The following ZGRF1 variants were observed in gnomAD, a reference collection of about 807,000 sequenced individuals.
The protein encoded by ZGRF1 is 5'-3' DNA helicase ZGRF1.
Under a neutral mutation model 203.5 loss-of-function variants are expected in ZGRF1, and 196 were observed. The ratio of observed to expected loss-of-function variants is 0.96; its 90% confidence interval spans 0.86 to 1.08. The LOEUF is 1.08. ZGRF1 is among the 50% of genes least tolerant of loss of function. The pLI is 0.00. For missense variants in ZGRF1, 2,326 were observed against 2,416.3 expected (o/e 0.96, Z 0.78); for synonymous variants, 809 against 841.3 (o/e 0.96, Z 0.66).
At chr4:112,581,220 C>T (rs1296429104) in intron 16 of ZGRF1, among the ~76,000 whole-genome samples, 1 of 136,600 alleles carries the variant, frequency 7.3e-6, no homozygotes, top group Non-Finnish European at 1.5e-5. Context: ...TAGGTGGGAA[C>T]TGAACAATGA....
chr4:112,597,944 C>A (rs994904934), intron 10 of ZGRF1, among the ~76,000 whole-genome samples: 2 of 151,038 alleles, frequency 1.3e-5, no homozygotes, highest in African/African-American at 2.4e-5. Flanking sequence ...AGATCATATC[C>A]AAATTCTACA....
chr4:112,571,199 C>T (rs924007818), intron 16 of ZGRF1, among the ~76,000 whole-genome samples: 1 of 150,986 alleles, frequency 6.6e-6, no homozygotes, highest in Non-Finnish European at 1.5e-5. Flanking sequence ...AAGTATCAAG[C>T]TTAAGATGTG....
chr4:112,586,563 C>G lies in ZGRF1; in HGVS notation c.3798G>C (p.Leu1266=), dbSNP rs148965225. 2,093 of 1,610,246 alleles carry G rather than the reference C, an allele frequency of 1.3e-3. 30 individuals carry two copies. The African/African-American group carries it at 0.021, about 16-fold the overall frequency. Residue 1266 remains leucine, a synonymous_variant, in exon 13 of 28, where the codon CTG becomes CTC. Coordinates refer to ENST00000505019, the MANE Select transcript of ZGRF1 (RefSeq NM_018392.5). ...KDLQEISGSE[L]CFPSGQKIKS... is the part of the protein sequence containing the mutation. ...TTATTTTCTGCCCACTTGGAAAGCA[C>G]AGCTCAGAGCCACTTATCTCCTGCA...
intron 16 of ZGRF1, among the ~76,000 whole-genome samples, chr4:112,573,769 G>A (rs1391974441): frequency 1.3e-5 from 2 of 152,006 alleles, no homozygotes; most frequent in Non-Finnish European, 2.9e-5. Flanking sequence ...GAAAAGACAT[G>A]ATCTGATGAG....
At position 112,589,761 on chromosome 4, in the gene ZGRF1, T is replaced by C. The variant is rs1560817388; in HGVS notation, c.3090A>G (p.Arg1030=). 6.2e-7 allele frequency: 1 copy of C among 1,613,982 alleles called. No homozygotes were observed. The highest frequency in any genetic ancestry group is 2.2e-5 in the East Asian group (1 of 44,858). The change falls in exon 11 of 28, where the codon AGA becomes AGG. Residue 1030 remains arginine, a synonymous_variant. Coordinates refer to ENST00000505019, the MANE Select transcript of ZGRF1 (RefSeq NM_018392.5). The part of the protein sequence containing the change: ...VEFSETSLKA[R]TLPDDLHFLN... ...GAAAATGAAGATCATCAGGTAAAGT[T>C]CTTGCTTTCAGGGACGTCTCAGAGA...
intron 9 of ZGRF1, 80 bp downstream of exon 9, chr4:112,605,928 C>CTTGTTTTT: frequency 2.2e-6 from 2 of 927,440 alleles, no homozygotes; most frequent in Non-Finnish European, 3.4e-6. Context: ...AACTCTGATA[C>CTTGTTTTT]TTGTTTTTTT....
intron 20 of ZGRF1, among the ~76,000 whole-genome samples, chr4:112,557,447 T>C (rs986393781): frequency 2.6e-5 from 4 of 152,210 alleles, no homozygotes; most frequent in Non-Finnish European, 5.9e-5. Context: ...AGCACTGGGA[T>C]TACAGGCATG....
At position 112,619,274 on chromosome 4, in the gene ZGRF1, T is replaced by C; in HGVS notation, c.768A>G (p.Leu256=). ...TAGATGATTCGGACTTCAGAAGAGC[T>C]AATATCTGTGCTTTGCTTCTGATGT... The part of the protein sequence containing the change: ...SQNIRSKAQI[L]ALLKSESSSS... Residue 256 remains leucine, a synonymous_variant, in exon 6 of 28, where the codon TTA becomes TTG. Transcript: ENST00000505019. The C allele has an allele frequency of 6.2e-7, 1 of 1,613,388 alleles. No individual in the cohort carries two copies. The highest frequency in any genetic ancestry group is 8.5e-7 in the Non-Finnish European group (1 of 1,179,974).
chr4:112,618,663 T>G lies in ZGRF1; in HGVS notation c.1379A>C (p.Gln460Pro), dbSNP rs1164670291. 3.1e-6 allele frequency: 5 copies of G among 1,613,144 alleles called. No individual in the cohort carries two copies. The highest frequency in any genetic ancestry group is 2.7e-5 in the African/African-American group (2 of 74,932). ...CAGTGTTCCACATGTATTTACCTCCTGAGCATTTTCTTTAATGAGAACTGA... is the reference window on the plus strand; with the variant it reads ...CAGTGTTCCACATGTATTTACCTCCGGAGCATTTTCTTTAATGAGAACTGA... ...KGSVLIKENAQEVNTCGTLEK... is the reference protein window; with the variant it reads ...KGSVLIKENAPEVNTCGTLEK... Residue 460 changes from glutamine (Q) to proline (P), a missense_variant, in exon 6 of 28, where the codon CAG becomes CCG. Physicochemically the swap from Gln to Pro is moderately conservative, Grantham distance 76. Coordinates refer to ENST00000505019, the MANE Select transcript of ZGRF1 (RefSeq NM_018392.5).
intron 14 of ZGRF1, among the ~76,000 whole-genome samples, chr4:112,584,579 A>T (rs1009277710): frequency 6.6e-6 from 1 of 152,214 alleles, no homozygotes; most frequent in Non-Finnish European, 1.5e-5. Context: ...CAAAACTCAG[A>T]TGATACATTT....
chr4:112,601,217 C>T (rs1749915994), intron 10 of ZGRF1, among the ~76,000 whole-genome samples: 1 of 151,784 alleles, frequency 6.6e-6, no homozygotes, highest in Admixed American at 6.6e-5. Context: ...TCAAAACCAG[C>T]AGCAACCTGG....
At chr4:112,598,336 A>AT (rs1308571154) in intron 10 of ZGRF1, among the ~76,000 whole-genome samples, 2 of 152,212 alleles carry the variant, frequency 1.3e-5, no homozygotes, top group African/African-American at 4.8e-5. Flanking sequence ...CACTAAGCAA[A>AT]TTTTAAAAAG....
rs538027072 is a variant in ZGRF1 at position 112,606,998 on chromosome 4, A to C, written c.2719-907T>G. On this transcript the variant is annotated intron_variant, in intron 8 of 27. Coordinates refer to ENST00000505019, the MANE Select transcript of ZGRF1 (RefSeq NM_018392.5). ...TATGAAGAAAAAACACTTCCCCAAC[A>C]GACCAGAGATAAAGTAGTATATTTC... is the stretch of plus-strand genomic sequence containing the variant. Among the ~76,000 whole-genome samples the C allele has an allele frequency of 4.6e-5, 7 of 152,364 alleles. No individual in the cohort carries two copies. In the East Asian group the frequency reaches 1.3e-3, roughly 29 times the overall value.
At chr4:112,576,648 C>T (rs565751915) in intron 16 of ZGRF1, among the ~76,000 whole-genome samples, 14 of 152,062 alleles carry the variant, frequency 9.2e-5, no homozygotes, top group Admixed American at 5.9e-4. Flanking sequence ...ACTCAGTAGC[C>T]GATTCGATCA....
chr4:112,619,780 G>A, intron 5 of ZGRF1, 90 bp from the exon 6 acceptor site: 1 of 1,120,428 alleles, frequency 8.9e-7, no homozygotes, highest in East Asian at 2.5e-5. Context: ...GAGAAGGATT[G>A]TTTCTGGTTT....
intron 18 of ZGRF1, 59 bp from the exon 19 acceptor site, chr4:112,561,054 T>C: frequency 7.6e-7 from 1 of 1,314,140 alleles, no homozygotes; most frequent in Non-Finnish European, 1.1e-6. Flanking sequence ...AAAAGATGAG[T>C]AGAATAATTC....
Position 112,561,000 on chromosome 4 carries a change from TA to T in ZGRF1, c.4698-6del. ...CTAACTATAGTTGGCGAAGACCTAA[TA>T]AAAATGAAGCAAATAAACAATTTTA... On this transcript the variant is annotated splice_region_variant and splice_polypyrimidine_tract_variant and intron_variant, in intron 18 of 27. Transcript: ENST00000505019. 1 of 1,597,052 alleles carries T rather than the reference TA, an allele frequency of 6.3e-7. No individual in the cohort carries two copies. The highest frequency in any genetic ancestry group is 8.6e-7 in the Non-Finnish European group (1 of 1,167,028).
At chr4:112,602,311 C>T (rs1353354721) in intron 10 of ZGRF1, among the ~76,000 whole-genome samples, 1 of 152,066 alleles carries the variant, frequency 6.6e-6, no homozygotes, top group Non-Finnish European at 1.5e-5. Context: ...CAGGAAAATG[C>T]AAATTAAAAC....
intron 10 of ZGRF1, among the ~76,000 whole-genome samples, chr4:112,599,651 G>A (rs980503630): frequency 3.9e-5 from 6 of 151,990 alleles, no homozygotes; most frequent in African/African-American, 1.5e-4. Context: ...GAGCCCAGGA[G>A]TTTGAAGCTG....
Sources: allele counts gnomAD v4.1 joint callset (sites outside exome capture counted in the v4.1 genomes callset), GRCh38; gene constraint gnomAD v4.1.1; transcripts MANE v1.5; gene names NCBI Gene and HGNC (gene_info 2026-07-23, HGNC 2026-07-21).